SHC1: variants seen among roughly 807,000 people sequenced by gnomAD.
SHC1 encodes SHC adaptor protein 1.
A neutral mutation model predicts 55.9 loss-of-function variants in SHC1; 30 were observed. The observed-to-expected ratio is 0.54, with a 90% CI of 0.40 to 0.73. SHC1 has a LOEUF of 0.73. Ranked by LOEUF, SHC1 falls within the 30% of genes least tolerant of loss-of-function variation. The probability of loss-of-function intolerance (pLI) is 0.00; values close to 1 mark genes in which losing one functional copy is unlikely to be tolerated. For synonymous variants in SHC1, 309 were observed against 306.1 expected, an observed-to-expected ratio of 1.01 and a Z score of -0.10; for missense variants, 675 against 777.1, an observed-to-expected ratio of 0.87 and a Z score of 1.56.
At chr1:154,969,354 A>G in intron 2 of SHC1, 24 bp downstream of exon 2, 1 of 1,571,050 alleles carries the variant, frequency 6.4e-7, no homozygotes, top group Non-Finnish European at 8.7e-7. Flanking sequence ...CAGGACTCCC[A>G]CAATCCACTC....
At chr1:154,967,012 GGT>G (rs910751756) in intron 7 of SHC1, among the ~76,000 whole-genome samples, 1 of 152,222 alleles carries the variant, frequency 6.6e-6, no homozygotes, top group African/African-American at 2.4e-5. Context: ...AGGAGGCTAA[GGT>G]GGGAGGATCA....
At position 154,970,090 on chromosome 1, in the gene SHC1, C is replaced by G. The variant is rs1194129820; in HGVS notation, c.437G>C (p.Arg146Pro). The G allele has an allele frequency of 5.0e-6, 8 of 1,614,008 alleles. No homozygotes were observed. The highest frequency in any genetic ancestry group is 5.9e-6 in the Non-Finnish European group (7 of 1,180,000). The change falls in exon 1 of 12, where the codon CGG becomes CCG. Residue 146 changes from arginine to proline, a missense_variant. Physicochemically the swap from Arg to Pro is moderately radical, Grantham distance 103. Around this residue, in one of 3 missense-constraint regions of SHC1, gnomAD observed 159 missense variants for 246.9 expected, o/e 0.64. Transcript: ENST00000448116. The surrounding 1 kb of genome is among the most constrained non-coding windows in gnomAD (Gnocchi z 5.5). ...RHGSFVNKPTRGWLHPNDKVM... is the reference protein window; with the variant it reads ...RHGSFVNKPTPGWLHPNDKVM... ...TTTGTCGTTGGGATGCAGCCAGCCC[C>G]GCGTGGGCTTATTGACAAAGCTCCC... is the stretch of plus-strand genomic sequence containing the variant.
In SHC1 at chr1:154,966,411, C is replaced by A; in HGVS notation, c.1090G>T (p.Val364Leu). 3.1e-6 allele frequency: 5 copies of A among 1,613,814 alleles called. No individual in the cohort carries two copies. Among genetic ancestry groups the A allele is most frequent in the Non-Finnish European group, 4.2e-6 (5 of 1,179,832 alleles). ...PGKEPPLGGV[V>L]DMRLREGAAP... ...GCTCCTTCCCGAAGCCTCATGTCTACCACCCCCCCCAAGGGGGGTTCCTTC... is the reference window on the plus strand; with the variant it reads ...GCTCCTTCCCGAAGCCTCATGTCTAACACCCCCCCCAAGGGGGGTTCCTTC... The change falls in exon 8 of 12, where the codon GTA (valine) becomes TTA (leucine). Residue 364 changes from valine (V) to leucine (L), a missense_variant. Val to Leu is a conservative substitution (Grantham distance 32, BLOSUM62 1). Coordinates refer to ENST00000448116, the MANE Select transcript of SHC1 (RefSeq NM_001130040.2).
intron 3 of SHC1, 70 bp downstream of exon 3, chr1:154,968,701 C>G: frequency 6.2e-7 from 1 of 1,609,628 alleles, no homozygotes. Flanking sequence ...CCCCACATGC[C>G]CCACACTTGC....
At chr1:154,966,923 C>T (rs1656062186) in intron 7 of SHC1, among the ~76,000 whole-genome samples, 1 of 152,136 alleles carries the variant, frequency 6.6e-6, no homozygotes, top group Non-Finnish European at 1.5e-5. Flanking sequence ...GACAACATAG[C>T]GAGACCTTAT....
intron 2 of SHC1, 133 bp downstream of exon 2, chr1:154,969,245 G>C: frequency 1.5e-6 from 1 of 680,118 alleles, no homozygotes; most frequent in South Asian, 1.7e-5. Flanking sequence ...CACTACCTCA[G>C]CTTTCTCTCA....
Position 154,966,179 on chromosome 1 carries a change from G to C in SHC1, c.1235C>G (p.Pro412Arg). Residue 412 changes from proline (P) to arginine (R), a missense_variant, in exon 9 of 12, where the codon CCT (proline) becomes CGT (arginine). By Grantham distance (103) the Pro-to-Arg change is moderately radical. Around this residue, in one of 3 missense-constraint regions of SHC1, gnomAD observed 360 missense variants for 371.1 expected, o/e 0.97. Transcript: ENST00000448116. ...CTTCATACCTGGACAGGGTGGTGGA[G>C]GTGGCATCTGTTTGCGGACTTCTGG... ...GDPEVRKQMPPPPPCPAGREL... is the reference protein window; with the variant it reads ...GDPEVRKQMPRPPPCPAGREL... The C allele has an allele frequency of 6.2e-7, 1 of 1,614,150 alleles. No individual in the cohort carries two copies. Among genetic ancestry groups the C allele is most frequent in the Non-Finnish European group, 8.5e-7 (1 of 1,180,010 alleles).
At chr1:154,974,093 G>C (rs959475626), upstream of SHC1, among the ~76,000 whole-genome samples, 3 of 152,104 alleles carry the variant, frequency 2.0e-5, no homozygotes, top group African/African-American at 7.2e-5. Context: ...ATCAAGTCGG[G>C]GTTCGGGGGA....
chr1:154,969,576 C>T (rs1468022573), intron 1 of SHC1, 128 bp from the exon 2 acceptor site: 4 of 659,842 alleles, frequency 6.1e-6, no homozygotes, highest in African/African-American at 3.6e-5. Context: ...GCCCACTTCC[C>T]GTGGCTACAT....
Position 154,968,576 on chromosome 1 carries a change from A to C in SHC1, c.669T>G (p.Ser223Arg). 6.2e-7 allele frequency: 1 copy of C among 1,613,672 alleles called. No individual in the cohort carries two copies. Among genetic ancestry groups the C allele is most frequent in the Non-Finnish European group, 8.5e-7 (1 of 1,179,906 alleles). Residue 223 changes from serine (S) to arginine (R), a missense_variant, in exon 4 of 12, where the codon AGT becomes AGG. This residue lies in a region of SHC1 where 159 missense variants were observed against 246.9 expected (regional missense o/e 0.64). Coordinates refer to ENST00000448116, the MANE Select transcript of SHC1 (RefSeq NM_001130040.2). Reference sequence around the variant, plus strand: ...TTGGCATTCCAGCAAATTTCAGGTTACTCCTCCCCAGGATAGAGCTGAGCG... The same window carrying C: ...TTGGCATTCCAGCAAATTTCAGGTTCCTCCTCCCCAGGATAGAGCTGAGCG... ...SRPLSSILGR[S>R]NLKFAGMPIT...
chr1:154,967,783 C>A lies in SHC1; in HGVS notation c.871G>T (p.Glu291Ter). The change falls in exon 7 of 12, where the codon GAG becomes TAG. Residue 291 changes from glutamate (E) to a stop codon, truncating the protein, a stop_gained. Coordinates refer to ENST00000448116, the MANE Select transcript of SHC1 (RefSeq NM_001130040.2). LOFTEE classifies it high-confidence loss of function. Reference sequence around the variant, plus strand: ...TCCTGGGCAAGCCCTTCGGGACACTCCAGAATGTGGCAGGCTGAGGGCACA... The same window carrying A: ...TCCTGGGCAAGCCCTTCGGGACACTACAGAATGTGGCAGGCTGAGGGCACA... ...PVNQRACHIL[E>*]CPEGLAQDVI... The A allele has an allele frequency of 6.2e-7, 1 of 1,614,122 alleles. No homozygotes were observed. The highest frequency in any genetic ancestry group is 8.5e-7 in the Non-Finnish European group (1 of 1,180,004).
intron 7 of SHC1, among the ~76,000 whole-genome samples, chr1:154,966,778 G>A (rs1184266495): frequency 6.6e-6 from 1 of 152,208 alleles, no homozygotes; most frequent in African/African-American, 2.4e-5. Context: ...AGGCGGCCGA[G>A]CTCAGATTTA....
rs537210421 is a variant in SHC1, at chr1:154,963,050, A to G, written c.*753T>C. On this transcript the variant is annotated 3_prime_UTR_variant, in exon 12 of 12. Coordinates refer to ENST00000448116, the MANE Select transcript of SHC1 (RefSeq NM_001130040.2). ...GGCGTAGAGTACATAGGCATGCAAC[A>G]TGGGAGGGCAGGCCTTATGAAATGT... 19 of 152,862 alleles carry G rather than the reference A, an allele frequency of 1.2e-4. No individual in the cohort carries two copies. Among genetic ancestry groups the G allele is most frequent in the African/African-American group, 4.1e-4 (17 of 41,554 alleles). 9.5% of individuals were successfully genotyped at this position (152,862 alleles called of 1,614,324 possible). A position where few individuals can be genotyped will look rare whatever the true frequency, so the allele number is the denominator to read the frequency against.
chr1:154,971,058 G>A (rs1418218183), upstream of SHC1, among the ~76,000 whole-genome samples: 2 of 152,270 alleles, frequency 1.3e-5, no homozygotes, highest in African/African-American at 4.8e-5. Flanking sequence ...AGGCCAAAGG[G>A]GGCAGGAAGC....
chr1:154,972,756 A>C (rs1656863160), upstream of SHC1, among the ~76,000 whole-genome samples: 1 of 152,078 alleles, frequency 6.6e-6, no homozygotes, highest in African/African-American at 2.4e-5. Context: ...CCCAACTGGG[A>C]GGAGGGGACA....
intron 11 of SHC1, 196 bp downstream of exon 11, chr1:154,965,347 A>T (rs1185558267): frequency 6.4e-7 from 1 of 1,553,256 alleles, no homozygotes; most frequent in African/African-American, 1.4e-5. Flanking sequence ...CTGTGCCAGG[A>T]CTATAAAGAA....
Position 154,963,741 on chromosome 1 carries a change from G to A in SHC1, c.*62C>T. 1.3e-6 allele frequency: 2 copies of A among 1,583,016 alleles called. No individual in the cohort carries two copies. Among genetic ancestry groups the A allele is most frequent in the South Asian group, 2.2e-5 (2 of 89,612 alleles). On this transcript the variant is annotated 3_prime_UTR_variant, in exon 12 of 12. Transcript: ENST00000448116. Reference sequence around the variant, plus strand: ...AGAACACTCCCAAACGAGGTCCCGAGAGTTAGGGAATAGGGTGGAAAGGAT... The same window carrying A: ...AGAACACTCCCAAACGAGGTCCCGAAAGTTAGGGAATAGGGTGGAAAGGAT...
chr1:154,964,326 G>A (rs750220268), intron 11 of SHC1: 2 of 466,344 alleles, frequency 4.3e-6, no homozygotes, highest in Non-Finnish European at 8.8e-6. Context: ...ACTTGAGCCC[G>A]GGAGTTCAAG....
At position 154,968,474 on chromosome 1, in the gene SHC1, C is replaced by T. The variant is rs1252385693; in HGVS notation, c.750+21G>A. 5.6e-6 allele frequency: 9 copies of T among 1,613,680 alleles called. 1 individual carries two copies. The highest frequency in any genetic ancestry group is 4.4e-5 in the South Asian group (4 of 91,058). On this transcript the variant is annotated intron_variant, in intron 4 of 11. Transcript: ENST00000448116. The stretch of plus-strand genomic sequence containing the variant: ...AGCACCCCCATCAGTGTTTCTGGTC[C>T]GTCTGCCCACCTTCACCAACCTGTT...
Sources: allele counts gnomAD v4.1 joint callset (sites outside exome capture counted in the v4.1 genomes callset), GRCh38; gene constraint gnomAD v4.1.1; regional missense constraint gnomAD v4.1.1; non-coding constraint Gnocchi (gnomAD v3.1); transcripts MANE v1.5; gene names NCBI Gene and HGNC (gene_info 2026-07-23, HGNC 2026-07-21).